Variants in VTI1A observed in about 807,000 individuals in gnomAD.
VTI1A encodes the protein vesicle transport through interaction with t-SNAREs 1A.
In VTI1A, 22 loss-of-function variants were observed where a neutral mutation model predicts 34.9. That is an observed-to-expected ratio of 0.63 (90% CI 0.45 to 0.90). The LOEUF (loss-of-function observed/expected upper bound fraction) is 0.90, where lower values mean the gene tolerates loss of function less well. VTI1A is among the 40% of genes least tolerant of loss of function. VTI1A has a pLI of 0.00. For synonymous variants in VTI1A, 87 were observed against 97.3 expected, an observed-to-expected ratio of 0.89 and a Z score of 0.62; for missense variants, 268 against 275.6, an observed-to-expected ratio of 0.97 and a Z score of 0.20.
chr10:112,691,128 G>GT (rs1848599992), intron 7 of VTI1A, among the ~76,000 whole-genome samples: 1 of 152,048 alleles, frequency 6.6e-6, no homozygotes, highest in South Asian at 2.1e-4. Context: ...AGGCATGGTG[G>GT]TGTGTGCCTG....
intron 7 of VTI1A, among the ~76,000 whole-genome samples, chr10:112,759,758 C>A (rs1043293367): frequency 1.3e-5 from 2 of 152,138 alleles, no homozygotes; most frequent in Non-Finnish European, 2.9e-5. Context: ...TGCCCTTCCC[C>A]AGCCCCCTTC....
chr10:112,791,434 G>A (rs1243845617), intron 7 of VTI1A, among the ~76,000 whole-genome samples: 40 of 152,094 alleles, frequency 2.6e-4, no homozygotes, highest in Admixed American at 2.6e-3. Context: ...TAAAAAAGAA[G>A]AAAGTTTAAA....
intron 7 of VTI1A, among the ~76,000 whole-genome samples, chr10:112,709,542 A>G (rs934976754): frequency 2.0e-5 from 3 of 151,898 alleles, no homozygotes; most frequent in Non-Finnish European, 4.4e-5. Context: ...TGCTCATGCC[A>G]TTCCTCCTGC....
At chr10:112,465,608 A>G (rs1184622928) in intron 3 of VTI1A, among the ~76,000 whole-genome samples, 5 of 152,256 alleles carry the variant, frequency 3.3e-5, no homozygotes, top group Admixed American at 3.3e-4. Context: ...TAAGTCACTC[A>G]CAAAGACAAA....
chr10:112,658,184 C>T (rs778273727), intron 5 of VTI1A, among the ~76,000 whole-genome samples: 1 of 152,132 alleles, frequency 6.6e-6, no homozygotes, highest in Admixed American at 6.5e-5. Flanking sequence ...ATCTCCTAAC[C>T]TCAAGTGATC....
chr10:112,673,127 GC>G (rs996539413), intron 7 of VTI1A, among the ~76,000 whole-genome samples: 1 of 152,000 alleles, frequency 6.6e-6, no homozygotes, highest in African/African-American at 2.4e-5. Flanking sequence ...AACCAGCCTG[GC>G]CAACATGGTG....
chr10:112,838,640 C>T, the VTI1A span, among the ~76,000 whole-genome samples: 2 of 152,036 alleles, frequency 1.3e-5, no homozygotes, highest in African/African-American at 2.4e-5. Flanking sequence ...CCTGTGGGTA[C>T]CAGGTGACTT....
the VTI1A span, among the ~76,000 whole-genome samples, chr10:112,837,088 C>T: frequency 2.2e-4 from 34 of 152,102 alleles, no homozygotes; most frequent in Admixed American, 2.2e-3. Context: ...TTTGGGAGAC[C>T]GAGGCAGGCG....
At chr10:112,765,503 C>G (rs369428010) in intron 7 of VTI1A, among the ~76,000 whole-genome samples, 2 of 152,346 alleles carry the variant, frequency 1.3e-5, no homozygotes, top group East Asian at 3.9e-4. Flanking sequence ...AGCCACCTCA[C>G]CTGGTGTGTT....
chr10:112,749,049 G>A lies in VTI1A; in HGVS notation c.561-66241G>A, dbSNP rs1012338647. Among the ~76,000 whole-genome samples the A allele has an allele frequency of 2.6e-5, 4 of 152,174 alleles. 1 individual carries two copies. The highest frequency in any genetic ancestry group is 7.2e-5 in the African/African-American group (3 of 41,458). ...GACCCAATGAGTAAAACCAATCTTC[G>A]TTGTCAAATAAAACAACCAGGTAGA... On this transcript the variant is annotated intron_variant, in intron 7 of 7. Transcript: ENST00000393077.
chr10:112,708,627 A>G (rs1849284801), intron 7 of VTI1A, among the ~76,000 whole-genome samples: 1 of 152,264 alleles, frequency 6.6e-6, no homozygotes, highest in Non-Finnish European at 1.5e-5. Flanking sequence ...AGCATTAAGC[A>G]GTATCTTTGA....
chr10:112,466,593 T>C (rs1421071294), intron 3 of VTI1A, among the ~76,000 whole-genome samples: 1 of 152,162 alleles, frequency 6.6e-6, no homozygotes, highest in Non-Finnish European at 1.5e-5. Flanking sequence ...ACAACTCAAA[T>C]TTATACTGAG....
chr10:112,460,471 T>C, intron 1 of VTI1A, 53 bp from the exon 2 acceptor site: 1 of 1,510,844 alleles, frequency 6.6e-7, no homozygotes, highest in Non-Finnish European at 8.9e-7. Flanking sequence ...AGTTTTAAAA[T>C]ATTAAATTTA....
At chr10:112,653,990 C>A (rs1847132907) in intron 5 of VTI1A, among the ~76,000 whole-genome samples, 1 of 152,116 alleles carries the variant, frequency 6.6e-6, no homozygotes. Context: ...TACAGCCTGG[C>A]TGATGAAGTC....
chr10:112,695,649 AAG>A (rs1848757905), intron 7 of VTI1A, among the ~76,000 whole-genome samples: 2 of 152,202 alleles, frequency 1.3e-5, no homozygotes, highest in African/African-American at 4.8e-5. Context: ...CATTCCAGGA[AAG>A]GTACAAAGCT....
intron 5 of VTI1A, among the ~76,000 whole-genome samples, chr10:112,618,372 C>T (rs1051914745): frequency 2.7e-5 from 4 of 150,428 alleles, no homozygotes; most frequent in Non-Finnish European, 5.9e-5. Flanking sequence ...TCATCAACAT[C>T]ATCATCATCA....
intron 7 of VTI1A, among the ~76,000 whole-genome samples, chr10:112,811,665 C>T: frequency 8.7e-6 from 1 of 114,292 alleles, no homozygotes; most frequent in Non-Finnish European, 1.6e-5. Context: ...GCCTGGGCGA[C>T]AGAGCGAGAC....
chr10:112,641,859 C>T (rs899828926), intron 5 of VTI1A, among the ~76,000 whole-genome samples: 29 of 152,276 alleles, frequency 1.9e-4, no homozygotes, highest in African/African-American at 6.3e-4. Context: ...AACTCCTGCA[C>T]TTGCGCTTGT....
chr10:112,782,980 G>A (rs1852180233), intron 7 of VTI1A, among the ~76,000 whole-genome samples: 1 of 152,056 alleles, frequency 6.6e-6, no homozygotes, highest in Non-Finnish European at 1.5e-5. Context: ...TGCAGAACTT[G>A]GTAGGAAAGA....
Sources: gnomAD v4.1 joint callset for allele counts (sites outside exome capture counted in the v4.1 genomes callset) on GRCh38, gnomAD v4.1.1 for gene constraint, MANE v1.5 for transcripts, NCBI Gene and HGNC (gene_info 2026-07-23, HGNC 2026-07-21) for gene names.